Variants in WDR72 observed in about 807,000 individuals in gnomAD.
WDR72 encodes the protein WD repeat domain 72.
In WDR72, 120 loss-of-function variants were observed where a neutral mutation model predicts 124.2. That is an observed-to-expected ratio of 0.97 (90% CI 0.83 to 1.12). The LOEUF (loss-of-function observed/expected upper bound fraction) is 1.12, where lower values mean the gene tolerates loss of function less well. Among genes scored for constraint, WDR72 ranks in the 50% most tolerant of loss-of-function variants. The pLI, the probability that WDR72 is intolerant of heterozygous loss-of-function variation, is 0.00. For synonymous variants in WDR72, 452 were observed against 441.7 expected (o/e 1.02, Z -0.29); for missense variants, 1,387 against 1,278.8 (o/e 1.08, Z -1.29).
intron 13 of WDR72, among the ~76,000 whole-genome samples, chr15:53,689,243 C>T (rs1418791575): frequency 1.3e-5 from 2 of 151,416 alleles, no homozygotes; most frequent in East Asian, 3.9e-4. Context: ...AGAGCTTCTG[C>T]ACAGCAAAAG....
At chr15:53,753,203 C>T (rs923844715) in intron 1 of WDR72, among the ~76,000 whole-genome samples, 1 of 152,196 alleles carries the variant, frequency 6.6e-6, no homozygotes, top group African/African-American at 2.4e-5. Flanking sequence ...CACAAGTTGA[C>T]ATTGGAAGTC....
chr15:53,653,272 G>A (rs898860444), intron 14 of WDR72, among the ~76,000 whole-genome samples: 1 of 152,126 alleles, frequency 6.6e-6, no homozygotes, highest in Non-Finnish European at 1.5e-5. Context: ...CAGGTGATGA[G>A]AATTTCATGA....
chr15:53,625,259 A>C (rs575862205), intron 14 of WDR72, among the ~76,000 whole-genome samples: 28 of 152,350 alleles, frequency 1.8e-4, no homozygotes, highest in African/African-American at 6.7e-4. Flanking sequence ...ACAAATTTTA[A>C]GTGATTGGTT....
At chr15:53,730,504 G>A (rs563025) in intron 2 of WDR72, among the ~76,000 whole-genome samples, 9,397 of 152,186 alleles carry the variant, frequency 0.062, 993 homozygotes, top group African/African-American at 0.21. Flanking sequence ...GGTGGCAAGC[G>A]AGTGTTTAAG....
chr15:53,612,748 C>G (rs1275066788), intron 16 of WDR72, among the ~76,000 whole-genome samples: 4 of 152,024 alleles, frequency 2.6e-5, no homozygotes, highest in Non-Finnish European at 5.9e-5. Flanking sequence ...GAAGGTTATA[C>G]ATAGACGAGT....
chr15:53,528,099 A>T (rs74017409), intron 18 of WDR72, among the ~76,000 whole-genome samples: 6,220 of 152,172 alleles, frequency 0.041, 355 homozygotes, highest in African/African-American at 0.13. Flanking sequence ...CTATGAAAAG[A>T]TGTTAAGTGG....
At chr15:53,700,329 C>T (rs537960583) in intron 12 of WDR72, among the ~76,000 whole-genome samples, 1 of 152,296 alleles carries the variant, frequency 6.6e-6, no homozygotes, top group East Asian at 1.9e-4. Context: ...AGCTTAGGCC[C>T]AAGGGTATCA....
chr15:53,690,940 T>G (rs2016818411), intron 13 of WDR72, among the ~76,000 whole-genome samples: 1 of 152,192 alleles, frequency 6.6e-6, no homozygotes, highest in Non-Finnish European at 1.5e-5. Context: ...AGGGTTCCTA[T>G]TTTCTCCATT....
intron 2 of WDR72, among the ~76,000 whole-genome samples, chr15:53,727,121 A>G (rs1055596444): frequency 2.0e-5 from 3 of 151,494 alleles, no homozygotes; most frequent in African/African-American, 7.3e-5. Context: ...AGACCAGCCT[A>G]GCCAACATAG....
At chr15:53,751,571 T>A (rs1284307558) in intron 1 of WDR72, among the ~76,000 whole-genome samples, 1 of 152,198 alleles carries the variant, frequency 6.6e-6, no homozygotes, top group African/African-American at 2.4e-5. Context: ...TTTACTGCAA[T>A]ATTCACTTTA....
chr15:53,687,148 A>C (rs933113583), intron 13 of WDR72, among the ~76,000 whole-genome samples: 1 of 148,788 alleles, frequency 6.7e-6, no homozygotes, highest in Non-Finnish European at 1.5e-5. Flanking sequence ...CACAATTAAA[A>C]GAACTAGAAA....
intron 2 of WDR72, among the ~76,000 whole-genome samples, chr15:53,727,746 A>T (rs2018083813): frequency 6.6e-6 from 1 of 152,218 alleles, no homozygotes; most frequent in Non-Finnish European, 1.5e-5. Context: ...AGAACAGAAC[A>T]TCATGGCCTT....
At chr15:53,749,454 G>T (rs555000566) in intron 1 of WDR72, among the ~76,000 whole-genome samples, 2 of 152,104 alleles carry the variant, frequency 1.3e-5, no homozygotes, top group African/African-American at 4.8e-5. Flanking sequence ...TCCACCAACT[G>T]GCCATTCCCC....
intron 2 of WDR72, among the ~76,000 whole-genome samples, chr15:53,725,658 G>A (rs922498693): frequency 7.9e-5 from 12 of 152,118 alleles, no homozygotes; most frequent in Middle Eastern, 3.4e-3. Context: ...GAAAAGACAC[G>A]GAAAAACCAC....
At chr15:53,594,095 A>G (rs1359926477) in intron 18 of WDR72, among the ~76,000 whole-genome samples, 1 of 152,162 alleles carries the variant, frequency 6.6e-6, no homozygotes, top group East Asian at 1.9e-4. Flanking sequence ...TAAATTTCAT[A>G]AGATTCTTAG....
chr15:53,601,195 G>A (rs144216031), intron 17 of WDR72, among the ~76,000 whole-genome samples: 5 of 151,976 alleles, frequency 3.3e-5, no homozygotes, highest in Non-Finnish European at 5.9e-5. Context: ...AGAGATTGGG[G>A]GACAATATTC....
intron 1 of WDR72, chr15:53,759,369 C>A (rs553359671): frequency 6.6e-6 from 1 of 152,360 alleles, no homozygotes; most frequent in South Asian, 2.1e-4. Flanking sequence ...TTTGTTCACT[C>A]CTGATGCCAC....
intron 17 of WDR72, among the ~76,000 whole-genome samples, chr15:53,597,845 T>C (rs945296067): frequency 2.0e-5 from 3 of 152,144 alleles, no homozygotes; most frequent in African/African-American, 4.8e-5. Flanking sequence ...CAAGGACCTA[T>C]GGTTCGAAGG....
chr15:53,748,639 T>C (rs1417627373), intron 1 of WDR72, among the ~76,000 whole-genome samples: 1 of 152,146 alleles, frequency 6.6e-6, no homozygotes, highest in African/African-American at 2.4e-5. Flanking sequence ...TTGATGATCC[T>C]TTCTTTCAAT....
Sources: gnomAD v4.1 joint callset for allele counts (sites outside exome capture counted in the v4.1 genomes callset) on GRCh38, gnomAD v4.1.1 for gene constraint, MANE v1.5 for transcripts, NCBI Gene and HGNC (gene_info 2026-07-23, HGNC 2026-07-21) for gene names.